PHACTR3: variants seen among roughly 807,000 people sequenced by gnomAD.
The protein encoded by PHACTR3 is phosphatase and actin regulator 3.
Under a neutral mutation model 66.8 loss-of-function variants are expected in PHACTR3, and 16 were observed. The observed-to-expected ratio is 0.24, with a 90% CI of 0.16 to 0.36. PHACTR3 has a LOEUF of 0.36. PHACTR3 is among the 10% of genes least tolerant of loss of function. The pLI, the probability that PHACTR3 is intolerant of heterozygous loss-of-function variation, is 1.00. For missense variants in PHACTR3, 647 were observed against 719.9 expected (o/e 0.90, Z 1.16); for synonymous variants, 323 against 292.1 (o/e 1.11, Z -1.08).
At chr20:59,837,927 C>T (rs963300604) in intron 9 of PHACTR3, among the ~76,000 whole-genome samples, 2 of 152,196 alleles carry the variant, frequency 1.3e-5, no homozygotes, top group African/African-American at 4.8e-5. Context: ...CAGGTCTTCC[C>T]ATCAGCAAGT....
In PHACTR3 at chr20:59,767,474, T is replaced by C. The variant is rs1427435199; in HGVS notation, c.751+79T>C. 70 of 1,421,564 alleles carry C rather than the reference T, an allele frequency of 4.9e-5. 1 individual carries two copies. The South Asian group carries it at 8.2e-4, about 17-fold the overall frequency. The allele number at this position is 1,421,564 out of a possible 1,614,324, so 88.1% of individuals were successfully genotyped here. A position where few individuals can be genotyped will look rare whatever the true frequency, so the allele number is the denominator to read the frequency against. The stretch of plus-strand genomic sequence containing the variant: ...CATCTATCCTACATTCATCCACCCA[T>C]CCATCATCTATCTATTTATTCACCC... On this transcript the variant is annotated intron_variant, in intron 5 of 12. Coordinates refer to ENST00000371015, the MANE Select transcript of PHACTR3 (RefSeq NM_080672.5).
At chr20:59,729,994 C>T (rs926797070) in intron 1 of PHACTR3, among the ~76,000 whole-genome samples, 8 of 152,134 alleles carry the variant, frequency 5.3e-5, no homozygotes, top group African/African-American at 1.9e-4. Context: ...GACTGGTATG[C>T]ACAGGTAGGG....
intron 1 of PHACTR3, among the ~76,000 whole-genome samples, chr20:59,589,996 A>G (rs1411161035): frequency 1.3e-5 from 2 of 152,198 alleles, no homozygotes; most frequent in Non-Finnish European, 2.9e-5. Flanking sequence ...TTCTGTAGGC[A>G]GCTGTTTCAC....
chr20:59,615,819 G>C (rs2034006511), intron 1 of PHACTR3, among the ~76,000 whole-genome samples: 1 of 152,216 alleles, frequency 6.6e-6, no homozygotes, highest in African/African-American at 2.4e-5. Context: ...GTCAAAGAGA[G>C]GGAAATACAC....
intron 1 of PHACTR3, among the ~76,000 whole-genome samples, chr20:59,622,216 C>T (rs892163871): frequency 1.3e-5 from 2 of 151,872 alleles, no homozygotes; most frequent in Admixed American, 6.6e-5. Context: ...GGGTCAAGGC[C>T]ATGGTGCATC....
intron 4 of PHACTR3, among the ~76,000 whole-genome samples, chr20:59,758,556 G>T (rs1301868756): frequency 6.6e-6 from 1 of 152,176 alleles, no homozygotes; most frequent in African/African-American, 2.4e-5. Context: ...CATCATGCTG[G>T]GGATAACAAG....
At chr20:59,620,845 G>A (rs879707392) in intron 1 of PHACTR3, among the ~76,000 whole-genome samples, 14 of 152,226 alleles carry the variant, frequency 9.2e-5, no homozygotes, top group African/African-American at 3.1e-4. Context: ...CTGTCTTTCC[G>A]TCATTTCTCT....
At chr20:59,814,462 G>T (rs563794153) in intron 8 of PHACTR3, among the ~76,000 whole-genome samples, 3 of 152,278 alleles carry the variant, frequency 2.0e-5, no homozygotes, top group Admixed American at 1.3e-4. Flanking sequence ...CAGGTGCCTG[G>T]GGTTTTTGGC....
chr20:59,724,661 G>A (rs1326843114), intron 1 of PHACTR3, among the ~76,000 whole-genome samples: 1 of 152,158 alleles, frequency 6.6e-6, no homozygotes, highest in Non-Finnish European at 1.5e-5. Flanking sequence ...GGGCCAGTCA[G>A]TTAGCCTTTT....
intron 1 of PHACTR3, among the ~76,000 whole-genome samples, chr20:59,651,697 C>T (rs1440319233): frequency 6.6e-6 from 1 of 152,142 alleles, no homozygotes; most frequent in Non-Finnish European, 1.5e-5. Flanking sequence ...CATAGCCAGA[C>T]AAAGGGGTAT....
chr20:59,767,885 AT>A (rs2040235047), intron 5 of PHACTR3, among the ~76,000 whole-genome samples: 1 of 132,276 alleles, frequency 7.6e-6, no homozygotes, highest in African/African-American at 2.9e-5. Context: ...GTTCCATTCC[AT>A]TCTTTCTGGA....
chr20:59,778,059 C>G (rs2040598179), intron 7 of PHACTR3, among the ~76,000 whole-genome samples: 5 of 152,200 alleles, frequency 3.3e-5, no homozygotes, highest in Non-Finnish European at 5.9e-5. Context: ...CCGGATGACC[C>G]TGAAGTCCTC....
chr20:59,841,776 C>T (rs1054993110), intron 11 of PHACTR3, among the ~76,000 whole-genome samples: 1 of 152,130 alleles, frequency 6.6e-6, no homozygotes, highest in Non-Finnish European at 1.5e-5. Flanking sequence ...TGTCACAACT[C>T]GGGATGCTAC....
intron 1 of PHACTR3, among the ~76,000 whole-genome samples, chr20:59,588,472 C>G (rs920008645): frequency 6.6e-6 from 1 of 152,206 alleles, no homozygotes; most frequent in Non-Finnish European, 1.5e-5. Context: ...CCCCAACACC[C>G]TTCCAGGAGA....
At chr20:59,699,687 G>A (rs2037427097) in intron 1 of PHACTR3, among the ~76,000 whole-genome samples, 1 of 152,124 alleles carries the variant, frequency 6.6e-6, no homozygotes. Flanking sequence ...TCTGTGGCCG[G>A]GCGCGGTGGC....
intron 7 of PHACTR3, among the ~76,000 whole-genome samples, chr20:59,781,739 T>C (rs763348397): frequency 2.0e-5 from 3 of 151,662 alleles, no homozygotes; most frequent in Non-Finnish European, 4.4e-5. Flanking sequence ...CCCGAGAGAG[T>C]GACTATGTAC....
At chr20:59,809,146 C>CA (rs34947668) in intron 8 of PHACTR3, among the ~76,000 whole-genome samples, 1 of 152,016 alleles carries the variant, frequency 6.6e-6, no homozygotes, top group Non-Finnish European at 1.5e-5. Flanking sequence ...CCAGTGTTCC[C>CA]AACTCCCACC....
Position 59,623,482 on chromosome 20 carries a change from C to T in PHACTR3, c.118+18350C>T, listed in dbSNP as rs547247473. 2.5e-4 allele frequency among the ~76,000 whole-genome samples: 38 copies of T among 152,342 alleles called. No homozygotes were observed. In the South Asian group the frequency reaches 4.6e-3, roughly 18 times the overall value. On this transcript the variant is annotated intron_variant, in intron 1 of 12. Coordinates refer to ENST00000371015, the MANE Select transcript of PHACTR3 (RefSeq NM_080672.5). ...TCTCTCTGGCTGTGCACCCGTCTCTCGTCCCACGACAGCTGCTGATGGCTT... is the reference window on the plus strand; with the variant it reads ...TCTCTCTGGCTGTGCACCCGTCTCTTGTCCCACGACAGCTGCTGATGGCTT...
Position 59,847,350 on chromosome 20 carries a change from C to CT in PHACTR3, c.*221dup. 1 of 424,724 alleles carries CT rather than the reference C, an allele frequency of 2.4e-6. No homozygotes were observed. 26.3% of individuals were successfully genotyped at this position (424,724 alleles called of 1,614,324 possible). A position where few individuals can be genotyped will look rare whatever the true frequency, so the allele number is the denominator to read the frequency against. On this transcript the variant is annotated 3_prime_UTR_variant, in exon 13 of 13. Coordinates refer to ENST00000371015, the MANE Select transcript of PHACTR3 (RefSeq NM_080672.5). ...TTCTTTGGTGTCTGAGGAGTGTGAA[C>CT]TGTTGGGGTCAGTTAAGACCCAACA...
Sources: allele counts gnomAD v4.1 joint callset (sites outside exome capture counted in the v4.1 genomes callset), GRCh38; gene constraint gnomAD v4.1.1; transcripts MANE v1.5; gene names NCBI Gene and HGNC (gene_info 2026-07-23, HGNC 2026-07-21).